The following DSCC1 variants were observed in gnomAD, a reference collection of about 807,000 sequenced individuals.
DSCC1 encodes the protein DNA replication and sister chromatid cohesion 1.
A neutral mutation model predicts 48.2 loss-of-function variants in DSCC1; 32 were observed. The observed-to-expected ratio is 0.66, with a 90% CI of 0.50 to 0.89. DSCC1 has a LOEUF of 0.89. DSCC1 is among the 40% of genes least tolerant of loss of function. DSCC1 has a pLI of 0.00. For synonymous variants in DSCC1, 150 were observed against 171.5 expected (o/e 0.87, Z 0.98); for missense variants, 421 against 471.7 (o/e 0.89, Z 1.00).
chr8:119,845,354 G>C (rs1826841020), intron 4 of DSCC1, among the ~76,000 whole-genome samples: 1 of 151,974 alleles, frequency 6.6e-6, no homozygotes, highest in Non-Finnish European at 1.5e-5. Context: ...CAAAGGGCTG[G>C]GACTACAGGC....
At chr8:119,842,654 G>A in intron 6 of DSCC1, 122 bp downstream of exon 6, 1 of 819,570 alleles carries the variant, frequency 1.2e-6, no homozygotes. Flanking sequence ...CCAAAGTGCT[G>A]GGATTATAGG....
intron 2 of DSCC1, among the ~76,000 whole-genome samples, chr8:119,850,889 A>C (rs891110264): frequency 6.6e-6 from 1 of 152,218 alleles, no homozygotes; most frequent in Admixed American, 6.5e-5. Context: ...AAACAAAAAA[A>C]CAAAACAGAG....
At chr8:119,836,000 C>A (rs1231846955) in intron 8 of DSCC1, among the ~76,000 whole-genome samples, 4 of 152,120 alleles carry the variant, frequency 2.6e-5, no homozygotes, top group Non-Finnish European at 4.4e-5. Flanking sequence ...TGGAAAAGTA[C>A]AATGTGATCT....
chr8:119,834,775 G>GA lies in DSCC1; in HGVS notation c.*117dup. The GA allele has an allele frequency of 1.4e-6, 1 of 702,584 alleles. No individual in the cohort carries two copies. Among genetic ancestry groups the GA allele is most frequent in the South Asian group, 1.6e-5 (1 of 60,878 alleles). 43.5% of individuals were successfully genotyped at this position (702,584 alleles called of 1,614,324 possible). ...AGTTTCAAAATGCTTAAGATGAGGA[G>GA]AAAAATGCCTTAGAAGACTAGGTTT... On this transcript the variant is annotated 3_prime_UTR_variant, in exon 9 of 9. Coordinates refer to ENST00000313655, the MANE Select transcript of DSCC1 (RefSeq NM_024094.3).
chr8:119,836,179 G>A (rs1409953611), intron 8 of DSCC1, among the ~76,000 whole-genome samples: 2 of 152,170 alleles, frequency 1.3e-5, no homozygotes, highest in Admixed American at 6.5e-5. Context: ...TGGGCATGGT[G>A]GTGCACACCA....
At chr8:119,842,633 A>G in intron 6 of DSCC1, 143 bp downstream of exon 6, 1 of 654,390 alleles carries the variant, frequency 1.5e-6, no homozygotes, top group Non-Finnish European at 2.6e-6. Flanking sequence ...CGACCCACCC[A>G]CTGCAGCCTT....
Position 119,841,822 on chromosome 8 carries a change from C to A in DSCC1, c.896G>T (p.Gly299Val). ...QEVWQQSVPE[G>V]MVTSLDQLKG... ...AAGCTGATCAAGACTAGTTACCATTCCTTCAGGAACACTCTGCTGCCACAC... is the reference window on the plus strand; with the variant it reads ...AAGCTGATCAAGACTAGTTACCATTACTTCAGGAACACTCTGCTGCCACAC... The change falls in exon 7 of 9, where the codon GGA becomes GTA. Residue 299 changes from glycine (G) to valine (V), a missense_variant. Physicochemically the swap from Gly to Val is moderately radical, Grantham distance 109 (BLOSUM62 -3). Coordinates refer to ENST00000313655, the MANE Select transcript of DSCC1 (RefSeq NM_024094.3). 1 of 1,614,012 alleles carries A rather than the reference C, an allele frequency of 6.2e-7. No individual in the cohort carries two copies. The highest frequency in any genetic ancestry group is 8.5e-7 in the Non-Finnish European group (1 of 1,179,998).
chr8:119,852,596 C>T (rs62526621), intron 2 of DSCC1, among the ~76,000 whole-genome samples: 21,894 of 152,022 alleles, frequency 0.14, 1,677 homozygotes, highest in Middle Eastern at 0.29. Context: ...GTCCGACAAT[C>T]GGCACACCTT....
chr8:119,834,274 T>TG lies in DSCC1; in HGVS notation c.*618dup, dbSNP rs1826629622. 6.6e-6 allele frequency: 1 copy of TG among 152,256 alleles called. No individual in the cohort carries two copies. The allele number at this position is 152,256 out of a possible 1,614,324, so 9.4% of individuals were successfully genotyped here. A position where few individuals can be genotyped will look rare whatever the true frequency, so the allele number is the denominator to read the frequency against. On this transcript the variant is annotated 3_prime_UTR_variant, in exon 9 of 9. Coordinates refer to ENST00000313655, the MANE Select transcript of DSCC1 (RefSeq NM_024094.3). The stretch of plus-strand genomic sequence containing the variant: ...ATTCCAAAACCAACTAGAAATTACT[T>TG]GAAGTTTTCGAGTGAGCATTGCCTG...
rs566515270 is a variant in DSCC1 at position 119,834,636 on chromosome 8, CAT to C, written c.*255_*256del. 320 of 314,236 alleles carry C rather than the reference CAT, an allele frequency of 1.0e-3. 2 individuals are homozygous for C. The highest frequency in any genetic ancestry group is 6.3e-3 in the African/African-American group (287 of 45,380). 19.5% of individuals were successfully genotyped at this position (314,236 alleles called of 1,614,324 possible). A position where few individuals can be genotyped will look rare whatever the true frequency, so the allele number is the denominator to read the frequency against. ...ATAAAAAGCCAAACTTTAAATAAAT[CAT>C]AGAGACCTCAGACATAATATAGGAA... On this transcript the variant is annotated 3_prime_UTR_variant, in exon 9 of 9. Transcript: ENST00000313655.
chr8:119,854,799 T>C (rs971945345), intron 1 of DSCC1, among the ~76,000 whole-genome samples: 3 of 152,226 alleles, frequency 2.0e-5, no homozygotes, highest in Admixed American at 1.3e-4. Context: ...AAAGGTACTT[T>C]GAGGTATATA....
intron 2 of DSCC1, among the ~76,000 whole-genome samples, chr8:119,850,810 T>C (rs538771707): frequency 6.6e-6 from 1 of 152,118 alleles, no homozygotes; most frequent in African/African-American, 2.4e-5. Flanking sequence ...AATGACAGGA[T>C]GGTGACAATT....
intron 3 of DSCC1, among the ~76,000 whole-genome samples, chr8:119,847,851 G>A (rs181582842): frequency 1.0e-3 from 156 of 152,040 alleles, no homozygotes; most frequent in Admixed American, 2.0e-3. Context: ...TTTCAGTTGA[G>A]GCACGGTTTC....
chr8:119,843,562 C>G (rs1257705489), intron 5 of DSCC1, 47 bp downstream of exon 5: 1 of 1,578,808 alleles, frequency 6.3e-7, no homozygotes, highest in Admixed American at 2.0e-5. Context: ...AAAACAACTC[C>G]CTTCCCCTTA....
Position 119,834,421 on chromosome 8 carries a change from G to C in DSCC1, c.*472C>G, listed in dbSNP as rs1826637077. ...ATGTAAACGATGGATATAAATAATTGATAGCACCTAGAGGCTTCCAGTTTG... is the reference window on the plus strand; with the variant it reads ...ATGTAAACGATGGATATAAATAATTCATAGCACCTAGAGGCTTCCAGTTTG... On this transcript the variant is annotated 3_prime_UTR_variant, in exon 9 of 9. Coordinates refer to ENST00000313655, the MANE Select transcript of DSCC1 (RefSeq NM_024094.3). 6.5e-6 allele frequency: 1 copy of C among 154,930 alleles called. No homozygotes were observed. The highest frequency in any genetic ancestry group is 1.4e-5 in the Non-Finnish European group (1 of 70,262). 9.6% of individuals were successfully genotyped at this position (154,930 alleles called of 1,614,324 possible).
Position 119,841,819 on chromosome 8 carries a change from A to G in DSCC1, c.899T>C (p.Met300Thr), listed in dbSNP as rs750718570. 1 of 1,614,040 alleles carries G rather than the reference A, an allele frequency of 6.2e-7. No individual in the cohort carries two copies. Among genetic ancestry groups the G allele is most frequent in the Non-Finnish European group, 8.5e-7 (1 of 1,180,006 alleles). ...EVWQQSVPEG[M>T]VTSLDQLKGL... The stretch of plus-strand genomic sequence containing the variant: ...CTTAAGCTGATCAAGACTAGTTACC[A>G]TTCCTTCAGGAACACTCTGCTGCCA... The change falls in exon 7 of 9, where the codon ATG (methionine) becomes ACG (threonine). Residue 300 changes from methionine to threonine, a missense_variant. Physicochemically the swap from Met to Thr is moderately conservative, Grantham distance 81. Around this residue, in one of 3 missense-constraint regions of DSCC1, gnomAD observed 238 missense variants for 259.0 expected, o/e 0.92. Transcript: ENST00000313655.
intron 7 of DSCC1, 141 bp from the exon 8 acceptor site, chr8:119,838,548 AC>A (rs1826720194): frequency 9.7e-7 from 1 of 1,026,278 alleles, no homozygotes; most frequent in African/African-American, 1.7e-5. Flanking sequence ...CCAGAGATTT[AC>A]AATCGCCTTT....
At position 119,853,106 on chromosome 8, in the gene DSCC1, A is replaced by G. The variant is rs766308262; in HGVS notation, c.292T>C (p.Cys98Arg). The change falls in exon 2 of 9, where the codon TGT becomes CGT. Residue 98 changes from cysteine to arginine, a missense_variant. Physicochemically the swap from Cys to Arg is radical, Grantham distance 180. This residue lies in a region of DSCC1 where 174 missense variants were observed against 184.5 expected (regional missense o/e 0.94). Transcript: ENST00000313655. ...TTCTTCAACTGGTCCGGAGTTTTAC[A>G]ACCAGGAATGAAAAGCAACATATTG... Reference protein sequence around the residue: ...TSNMLLFIPGCKTPDQLKKED... With the variant: ...TSNMLLFIPGRKTPDQLKKED... 1 of 1,614,122 alleles carries G rather than the reference A, an allele frequency of 6.2e-7. No individual in the cohort carries two copies. Among genetic ancestry groups the G allele is most frequent in the Admixed American group, 1.7e-5 (1 of 60,008 alleles).
chr8:119,847,435 G>A (rs1302127870), intron 3 of DSCC1, among the ~76,000 whole-genome samples: 1 of 152,192 alleles, frequency 6.6e-6, no homozygotes, highest in Non-Finnish European at 1.5e-5. Flanking sequence ...CCACTTATCT[G>A]AGGTATTAAG....
Sources: gnomAD v4.1 joint callset for allele counts (sites outside exome capture counted in the v4.1 genomes callset) on GRCh38, gnomAD v4.1.1 for gene constraint, gnomAD v4.1.1 regional missense constraint, MANE v1.5 for transcripts, NCBI Gene and HGNC (gene_info 2026-07-23, HGNC 2026-07-21) for gene names.